Variants in ST3GAL3 observed in about 807,000 individuals in gnomAD.
ST3GAL3 encodes CMP-N-acetylneuraminate-beta-1,4-galactoside alpha-2,3-sialyltransferase.
A neutral mutation model predicts 50.1 loss-of-function variants in ST3GAL3; 21 were observed. The ratio of observed to expected loss-of-function variants is 0.42; its 90% CI spans 0.30 to 0.60. The LOEUF (loss-of-function observed/expected upper bound fraction) is 0.60, where lower values mean the gene tolerates loss of function less well. ST3GAL3 is among the 20% of genes least tolerant of loss of function. The probability of loss-of-function intolerance (pLI) is 0.19; values close to 1 mark genes in which losing one functional copy is unlikely to be tolerated. For missense variants in ST3GAL3, 353 were observed against 489.4 expected (o/e 0.72, Z 2.63); for synonymous variants, 183 against 190.0 (o/e 0.96, Z 0.30).
intron 5 of ST3GAL3, among the ~76,000 whole-genome samples, chr1:43,856,696 C>A (rs1416866554): frequency 3.1e-4 from 47 of 152,196 alleles, no homozygotes; most frequent in Admixed American, 3.1e-3. Context: ...TGTGTCCTCT[C>A]CTTTTCTCTG....
At chr1:43,765,764 TGTGTGTGTGTGTGTGTGTGTGC>T (rs1233755872) in intron 2 of ST3GAL3, among the ~76,000 whole-genome samples, 7 of 140,922 alleles carry the variant, frequency 5.0e-5, no homozygotes, top group Non-Finnish European at 9.0e-5. Flanking sequence ...TGTGTGTGTG[TGTGTGTGTGTGTGTGTGTGTGC>T]GCGCGCGCGC....
At chr1:43,906,362 T>C (rs1445771480) in intron 9 of ST3GAL3, among the ~76,000 whole-genome samples, 1 of 145,100 alleles carries the variant, frequency 6.9e-6, no homozygotes, top group Non-Finnish European at 1.5e-5. Context: ...CCCGCCACTC[T>C]TCCTCCCCAT....
chr1:43,899,756 C>T lies in ST3GAL3; in HGVS notation c.744+29C>T. On this transcript the variant is annotated intron_variant, in intron 9 of 11. Coordinates refer to ENST00000347631, the MANE Select transcript of ST3GAL3 (RefSeq NM_006279.5). The surrounding 1 kb of genome is among the most constrained non-coding windows in gnomAD (Gnocchi z 5.4). Reference sequence around the variant, plus strand: ...AGCTCTCCTGGCACCAGCTTCTTCCCCTCTTGCCCTGGGCTTCCGCAACTC... The same window carrying T: ...AGCTCTCCTGGCACCAGCTTCTTCCTCTCTTGCCCTGGGCTTCCGCAACTC... The T allele has an allele frequency of 1.2e-6, 2 of 1,607,524 alleles. No individual in the cohort carries two copies. The highest frequency in any genetic ancestry group is 1.7e-6 in the Non-Finnish European group (2 of 1,174,548).
intron 11 of ST3GAL3, among the ~76,000 whole-genome samples, chr1:43,926,428 GA>G (rs2083947709): frequency 6.6e-6 from 1 of 152,028 alleles, no homozygotes; most frequent in South Asian, 2.1e-4. Context: ...TGTCTCTACT[GA>G]AAATACAAAA....
intron 5 of ST3GAL3, among the ~76,000 whole-genome samples, chr1:43,863,843 C>A (rs1272675228): frequency 1.3e-5 from 2 of 152,176 alleles, no homozygotes; most frequent in Non-Finnish European, 2.9e-5. Flanking sequence ...CCTCATAGAT[C>A]CCAATCTGGA....
At chr1:43,747,773 G>T (rs576971859) in intron 2 of ST3GAL3, among the ~76,000 whole-genome samples, 7 of 151,964 alleles carry the variant, frequency 4.6e-5, no homozygotes, top group Admixed American at 3.3e-4. Flanking sequence ...TAGAGACAGG[G>T]TTTCACCATG....
intron 4 of ST3GAL3, chr1:43,831,795 G>C (rs2063582796): frequency 6.6e-6 from 1 of 152,168 alleles, no homozygotes; most frequent in Non-Finnish European, 1.5e-5. Context: ...AGTGTAAATG[G>C]TAATTTGTTT....
intron 4 of ST3GAL3, among the ~76,000 whole-genome samples, chr1:43,820,989 C>T (rs72886875): frequency 0.071 from 10,737 of 152,176 alleles, 1,267 homozygotes; most frequent in African/African-American, 0.25. Context: ...AAATGAGACC[C>T]GGACTTCAGC....
Position 43,899,806 on chromosome 1 carries a change from C to A in ST3GAL3, c.744+79C>A. Reference sequence around the variant, plus strand: ...CCTAAGCAATCCCGCCCCTTGAATGCAGCAAAGAACGAGTAAGAACCTTCA... The same window carrying A: ...CCTAAGCAATCCCGCCCCTTGAATGAAGCAAAGAACGAGTAAGAACCTTCA... On this transcript the variant is annotated intron_variant, in intron 9 of 11. Coordinates refer to ENST00000347631, the MANE Select transcript of ST3GAL3 (RefSeq NM_006279.5). This position sits in a 1 kb window ranked among gnomAD's most constrained non-coding sequence, Gnocchi z 5.4. 1.5e-6 allele frequency: 2 copies of A among 1,348,156 alleles called. No individual in the cohort carries two copies. The highest frequency in any genetic ancestry group is 1.1e-6 in the Non-Finnish European group (1 of 946,130). The allele number at this position is 1,348,156 out of a possible 1,614,324, so 83.5% of individuals were successfully genotyped here. A position where few individuals can be genotyped will look rare whatever the true frequency, so the allele number is the denominator to read the frequency against.
chr1:43,795,634 AG>A (rs1284951781), intron 3 of ST3GAL3, among the ~76,000 whole-genome samples: 1 of 152,228 alleles, frequency 6.6e-6, no homozygotes, highest in African/African-American at 2.4e-5. Flanking sequence ...GAACTTTAGC[AG>A]GATAACTTTG....
intron 3 of ST3GAL3, among the ~76,000 whole-genome samples, chr1:43,807,393 C>G (rs1211096158): frequency 6.7e-6 from 1 of 150,138 alleles, no homozygotes; most frequent in Admixed American, 6.7e-5. Context: ...TCCAGCCTGG[C>G]CGACAGACCG....
chr1:43,918,478 A>T (rs1357619007), intron 9 of ST3GAL3, among the ~76,000 whole-genome samples: 1 of 152,120 alleles, frequency 6.6e-6, no homozygotes, highest in Non-Finnish European at 1.5e-5. Flanking sequence ...GTGAGGAGAG[A>T]AAGTAAATGG....
chr1:43,794,066 A>T (rs995852943), intron 3 of ST3GAL3, among the ~76,000 whole-genome samples: 4 of 147,152 alleles, frequency 2.7e-5, no homozygotes, highest in African/African-American at 5.1e-5. Context: ...CCTGGGTGAC[A>T]CAGTGAGACC....
Position 43,813,901 on chromosome 1 carries a change from A to ACGCG in ST3GAL3, c.167-987_167-986insGCGC, listed in dbSNP as rs1179133225. ...CACACACACACACACACACGCACAC[A>ACGCG]CGCACACACACACACACACACACAC... On this transcript the variant is annotated intron_variant, in intron 3 of 11. Coordinates refer to ENST00000347631, the MANE Select transcript of ST3GAL3 (RefSeq NM_006279.5). Among the ~76,000 whole-genome samples, 105 of 63,310 alleles carry ACGCG rather than the reference A, an allele frequency of 1.7e-3. 1 individual carries two copies. Among genetic ancestry groups the ACGCG allele is most frequent in the African/African-American group, 4.3e-3 (98 of 22,858 alleles). 41.5% of individuals were successfully genotyped at this position (63,310 alleles called of 152,430 possible). A position where few individuals can be genotyped will look rare whatever the true frequency, so the allele number is the denominator to read the frequency against.
intron 4 of ST3GAL3, among the ~76,000 whole-genome samples, chr1:43,832,637 G>C (rs1298200183): frequency 4.6e-5 from 7 of 152,168 alleles, no homozygotes; most frequent in Non-Finnish European, 8.8e-5. Flanking sequence ...AGAGGAGACA[G>C]AAGTTGTCCT....
Position 43,737,028 on chromosome 1 carries a change from GT to G in ST3GAL3, c.118+652del. 6.3e-6 allele frequency: 1 copy of G among 159,060 alleles called. No individual in the cohort carries two copies. Among genetic ancestry groups the G allele is most frequent in the Non-Finnish European group, 1.4e-5 (1 of 72,456 alleles). 9.9% of individuals were successfully genotyped at this position (159,060 alleles called of 1,614,324 possible). On this transcript the variant is annotated intron_variant, in intron 2 of 11. Coordinates refer to ENST00000347631, the MANE Select transcript of ST3GAL3 (RefSeq NM_006279.5). This position sits in a 1 kb window ranked among gnomAD's most constrained non-coding sequence, Gnocchi z 4.0. Reference sequence around the variant, plus strand: ...TTTCTGTTTACCTGATGTGGCCTGTGTTTTGGTTCTAGGCTTGCAGTTGAAG... The same window carrying G: ...TTTCTGTTTACCTGATGTGGCCTGTGTTTGGTTCTAGGCTTGCAGTTGAAG...
chr1:43,853,369 T>C (rs2067711156), intron 5 of ST3GAL3, among the ~76,000 whole-genome samples: 1 of 152,234 alleles, frequency 6.6e-6, no homozygotes, highest in African/African-American at 2.4e-5. Context: ...TCTGTTTTAA[T>C]TCTCCCAACA....
intron 5 of ST3GAL3, among the ~76,000 whole-genome samples, chr1:43,892,511 A>C (rs1380388372): frequency 1.3e-5 from 2 of 152,214 alleles, no homozygotes; most frequent in Admixed American, 6.5e-5. Flanking sequence ...TGTGTTGTAC[A>C]GTTATGGGTA....
intron 5 of ST3GAL3, among the ~76,000 whole-genome samples, chr1:43,871,508 G>T (rs2072736531): frequency 1.4e-5 from 2 of 140,602 alleles, no homozygotes; most frequent in African/African-American, 5.4e-5. Context: ...AGGATGGGGT[G>T]TGAGGGAGAG....
Sources: gnomAD v4.1 joint callset for allele counts (sites outside exome capture counted in the v4.1 genomes callset) on GRCh38, gnomAD v4.1.1 for gene constraint, Gnocchi (gnomAD v3.1) non-coding constraint, MANE v1.5 for transcripts, NCBI Gene and HGNC (gene_info 2026-07-23, HGNC 2026-07-21) for gene names.